JMJD1C: variants seen among roughly 807,000 people sequenced by gnomAD.
JMJD1C encodes the protein jumonji domain containing 1C, also known as jumonji domain-containing protein 1C.
In JMJD1C, 31 loss-of-function variants were observed where a neutral mutation model predicts 245.3. The observed-to-expected ratio is 0.13, with a 90% CI of 0.09 to 0.17. The LOEUF is 0.17. Among genes scored for constraint, JMJD1C ranks in the 10% least tolerant of loss-of-function variants. The pLI, the probability that JMJD1C is intolerant of heterozygous loss-of-function variation, is 1.00. For missense variants in JMJD1C, 2,691 were observed against 3,000.2 expected (o/e 0.90, Z 2.41); for synonymous variants, 1,057 against 1,017.4 (o/e 1.04, Z -0.74).
At chr10:63,276,465 CAAA>C (rs551525973) in intron 2 of JMJD1C, among the ~76,000 whole-genome samples, 12 of 93,686 alleles carry the variant, frequency 1.3e-4, no homozygotes, top group South Asian at 3.6e-4. Flanking sequence ...GATTCCGTCT[CAAA>C]AAAAAAAAAA....
At chr10:63,429,816 G>T (rs1471060135) in intron 1 of JMJD1C, among the ~76,000 whole-genome samples, 1 of 152,106 alleles carries the variant, frequency 6.6e-6, no homozygotes, top group Non-Finnish European at 1.5e-5. Context: ...ATCTCTAACT[G>T]AATGCTCCAA....
intron 2 of JMJD1C, among the ~76,000 whole-genome samples, chr10:63,273,155 T>C (rs1177206228): frequency 1.3e-5 from 2 of 152,136 alleles, no homozygotes; most frequent in Non-Finnish European, 1.5e-5. Flanking sequence ...TTACAACTAG[T>C]TGGTAATAAT....
intron 2 of JMJD1C, among the ~76,000 whole-genome samples, chr10:63,348,308 G>C (rs1944034449): frequency 6.6e-6 from 1 of 151,916 alleles, no homozygotes; most frequent in African/African-American, 2.4e-5. Context: ...AGTCAACTCT[G>C]AGAATTGATA....
At chr10:63,383,041 CTTTCA>C (rs1947335592) in intron 1 of JMJD1C, among the ~76,000 whole-genome samples, 1 of 139,766 alleles carries the variant, frequency 7.2e-6, no homozygotes, top group Non-Finnish European at 1.7e-5. Context: ...TAGAACTGTT[CTTTCA>C]TTTATTTTTA....
At chr10:63,192,258 TAAAAAAA>T (rs10604690) in intron 16 of JMJD1C, among the ~76,000 whole-genome samples, 5 of 110,372 alleles carry the variant, frequency 4.5e-5, no homozygotes, top group African/African-American at 1.1e-4. Context: ...CTACAAAAAC[TAAAAAAA>T]AAAAAAAAAA....
At chr10:63,494,521 A>G (rs1196199848) in intron 1 of JMJD1C, among the ~76,000 whole-genome samples, 2 of 152,064 alleles carry the variant, frequency 1.3e-5, no homozygotes, top group Non-Finnish European at 2.9e-5. Flanking sequence ...ATAAGTAAAA[A>G]AAATATTTTT....
At chr10:63,437,711 C>T (rs535620815) in intron 1 of JMJD1C, among the ~76,000 whole-genome samples, 5 of 152,322 alleles carry the variant, frequency 3.3e-5, no homozygotes, top group African/African-American at 1.2e-4. Context: ...AGTAAACTCA[C>T]TTTATCAGGC....
rs186321056 is a variant in JMJD1C at position 63,168,075 on chromosome 10, C to T, written c.7593G>A (p.Glu2531=). The change falls in exon 26 of 26, where the codon GAG becomes GAA. Residue 2531 remains glutamate, a synonymous_variant. Coordinates refer to ENST00000399262, the MANE Select transcript of JMJD1C (RefSeq NM_032776.3). ...TTTCTTCCATATCCTCTACTTCATCCTCGTGTATCTTCAAGGCTCTCACCA... is the reference window on the plus strand; with the variant it reads ...TTTCTTCCATATCCTCTACTTCATCTTCGTGTATCTTCAAGGCTCTCACCA... ...KEMVRALKIH[E]DEVEDMEEN 478 of 1,603,428 alleles carry T rather than the reference C, an allele frequency of 3.0e-4. 5 individuals are homozygous for T. In the Admixed American group the frequency reaches 7.1e-3, roughly 24 times the overall value.
intron 3 of JMJD1C, among the ~76,000 whole-genome samples, chr10:63,249,310 C>T (rs183829854): frequency 2.6e-5 from 4 of 152,008 alleles, no homozygotes; most frequent in African/African-American, 9.6e-5. Context: ...AGTGAGACTC[C>T]GTCTCAAGAA....
chr10:63,371,597 T>C (rs2134434091), intron 2 of JMJD1C, among the ~76,000 whole-genome samples: 1 of 152,210 alleles, frequency 6.6e-6, no homozygotes, highest in Middle Eastern at 3.4e-3. Flanking sequence ...TGAATACACT[T>C]TTTAAAAACT....
At chr10:63,277,339 T>C (rs969870124) in intron 2 of JMJD1C, among the ~76,000 whole-genome samples, 1 of 151,282 alleles carries the variant, frequency 6.6e-6, no homozygotes, top group African/African-American at 2.4e-5. Flanking sequence ...ACACAAGTTA[T>C]ACAAAATGGA....
In JMJD1C at chr10:63,206,720, T is replaced by A; in HGVS notation, c.4949A>T (p.Tyr1650Phe). 1 of 1,613,978 alleles carries A rather than the reference T, an allele frequency of 6.2e-7. No homozygotes were observed. The highest frequency in any genetic ancestry group is 8.5e-7 in the Non-Finnish European group (1 of 1,179,982). ...TTGCAAATCATTTTGCTTCTTTTTG[T>A]AAGTTGGCTTAGGTTGTCTTTTAGT... ...QRTKRQPKPTYKKKQNDLQKR... is the reference protein window; with the variant it reads ...QRTKRQPKPTFKKKQNDLQKR... Residue 1650 changes from tyrosine to phenylalanine, a missense_variant, in exon 10 of 26, where the codon TAC becomes TTC. Tyr to Phe is a conservative substitution (Grantham distance 22, BLOSUM62 3). This residue lies in a region of JMJD1C where 144 missense variants were observed against 143.3 expected (regional missense o/e 1.00). Transcript: ENST00000399262.
At chr10:63,226,220 C>A (rs1456731603) in intron 3 of JMJD1C, among the ~76,000 whole-genome samples, 1 of 152,084 alleles carries the variant, frequency 6.6e-6, no homozygotes, top group Non-Finnish European at 1.5e-5. Context: ...TAGTCAAATA[C>A]TCATCAAAGA....
chr10:63,371,455 TTTC>T (rs1436338869), intron 2 of JMJD1C, among the ~76,000 whole-genome samples: 1 of 152,226 alleles, frequency 6.6e-6, no homozygotes, highest in Non-Finnish European at 1.5e-5. Context: ...TTGTTCCATT[TTTC>T]TTTTCCTCTT....
At chr10:63,312,523 T>C (rs1396745825) in intron 2 of JMJD1C, among the ~76,000 whole-genome samples, 1 of 152,228 alleles carries the variant, frequency 6.6e-6, no homozygotes, top group Non-Finnish European at 1.5e-5. Flanking sequence ...AAAATTACTT[T>C]TCCCACTTAA....
intron 1 of JMJD1C, among the ~76,000 whole-genome samples, chr10:63,492,065 G>A (rs1012034372): frequency 1.3e-5 from 2 of 151,748 alleles, no homozygotes; most frequent in Non-Finnish European, 1.5e-5. Flanking sequence ...TCTCTCTTTC[G>A]AGACTTTGTC....
intron 1 of JMJD1C, among the ~76,000 whole-genome samples, chr10:63,421,029 C>T (rs948699307): frequency 2.0e-5 from 3 of 152,116 alleles, no homozygotes; most frequent in Admixed American, 6.5e-5. Context: ...AGATCTTAGA[C>T]ATTGCTTATA....
At chr10:63,453,577 A>G (rs74137760) in intron 1 of JMJD1C, among the ~76,000 whole-genome samples, 3,260 of 152,310 alleles carry the variant, frequency 0.021, 116 homozygotes, top group African/African-American at 0.073. Context: ...CAAATTAGAA[A>G]GAATTTCTTA....
intron 2 of JMJD1C, among the ~76,000 whole-genome samples, chr10:63,379,274 C>T (rs554295673): frequency 6.6e-6 from 1 of 152,208 alleles, no homozygotes; most frequent in South Asian, 2.1e-4. Flanking sequence ...AATAATGTTT[C>T]AGCAGCTTTT....
Sources: gnomAD v4.1 joint callset for allele counts (sites outside exome capture counted in the v4.1 genomes callset) on GRCh38, gnomAD v4.1.1 for gene constraint, gnomAD v4.1.1 regional missense constraint, MANE v1.5 for transcripts, NCBI Gene and HGNC (gene_info 2026-07-23, HGNC 2026-07-21) for gene names.